CD46: variants seen among roughly 807,000 people sequenced by gnomAD.
CD46 encodes the protein membrane cofactor protein.
CD46 carries 30 observed loss-of-function variants against 53.3 expected under a neutral mutation model. The observed-to-expected ratio is 0.56, with a 90% confidence interval of 0.42 to 0.76. The LOEUF is 0.76. Ranked by LOEUF, CD46 falls within the 30% of genes least tolerant of loss-of-function variation. The pLI is 0.00. For synonymous variants in CD46, 142 were observed against 152.0 expected, an observed-to-expected ratio of 0.93 and a Z score of 0.48; for missense variants, 409 against 463.0, an observed-to-expected ratio of 0.88 and a Z score of 1.07.
intron 8 of CD46, among the ~76,000 whole-genome samples, chr1:207,774,815 A>T (rs1657915635): frequency 6.6e-6 from 1 of 151,794 alleles, no homozygotes; most frequent in Non-Finnish European, 1.5e-5. Flanking sequence ...TGCCCTTAAC[A>T]TTTTTTTCCT....
chr1:207,785,917 A>G, intron 11 of CD46: 1 of 437,986 alleles, frequency 2.3e-6, no homozygotes, highest in South Asian at 2.5e-5. Context: ...TTATGACTTT[A>G]AGAAAAATTT....
intron 5 of CD46, among the ~76,000 whole-genome samples, chr1:207,761,850 T>TA (rs1186147524): frequency 6.6e-6 from 1 of 152,066 alleles, no homozygotes; most frequent in African/African-American, 2.4e-5. Flanking sequence ...AAACTCTGGA[T>TA]AAAAAAAATT....
chr1:207,776,932 G>A (rs1169765939), intron 8 of CD46, among the ~76,000 whole-genome samples: 8 of 152,224 alleles, frequency 5.3e-5, no homozygotes. Flanking sequence ...CACCATGCCC[G>A]GCCAATTTAC....
intron 12 of CD46, among the ~76,000 whole-genome samples, chr1:207,792,495 G>A (rs183687394): frequency 6.6e-6 from 1 of 152,288 alleles, no homozygotes; most frequent in East Asian, 1.9e-4. Context: ...AATTTTTGCA[G>A]TCAGACCCTG....
At chr1:207,775,018 C>G (rs915095055) in intron 8 of CD46, among the ~76,000 whole-genome samples, 9 of 152,218 alleles carry the variant, frequency 5.9e-5, no homozygotes, top group Non-Finnish European at 1.3e-4. Context: ...CTTTCAGGTA[C>G]ACCAATCAAA....
chr1:207,778,588 A>G (rs1658371855), intron 8 of CD46, among the ~76,000 whole-genome samples: 1 of 152,102 alleles, frequency 6.6e-6, no homozygotes, highest in South Asian at 2.1e-4. Flanking sequence ...GGAAGATCAG[A>G]TGGTCATAGA....
At chr1:207,773,455 C>G (rs2102628050) in intron 8 of CD46, among the ~76,000 whole-genome samples, 1 of 152,154 alleles carries the variant, frequency 6.6e-6, no homozygotes, top group East Asian at 1.9e-4. Flanking sequence ...TTTGTTTGCT[C>G]TTGTTTCTCT....
intron 5 of CD46, 107 bp downstream of exon 5, chr1:207,761,553 T>G: frequency 1.2e-6 from 1 of 856,558 alleles, no homozygotes; most frequent in Admixed American, 2.0e-5. Flanking sequence ...TTCCTCCTCC[T>G]GTATAATTGG....
At chr1:207,760,394 C>T (rs1229866379) in intron 4 of CD46, 1 of 152,034 alleles carries the variant, frequency 6.6e-6, no homozygotes, top group Non-Finnish European at 1.5e-5. Flanking sequence ...TCACTATATT[C>T]TTATTAGGAT....
intron 1 of CD46, among the ~76,000 whole-genome samples, chr1:207,755,584 C>T (rs910750158): frequency 5.9e-5 from 9 of 152,188 alleles, no homozygotes; most frequent in African/African-American, 2.2e-4. Context: ...GGACAAAACC[C>T]GCAATCTCCT....
At chr1:207,765,662 A>T (rs1484248837) in intron 5 of CD46, among the ~76,000 whole-genome samples, 1 of 152,196 alleles carries the variant, frequency 6.6e-6, no homozygotes, top group Non-Finnish European at 1.5e-5. Context: ...CACACACCCC[A>T]AACTGACAAT....
At chr1:207,784,438 A>G (rs576414388) in intron 9 of CD46, among the ~76,000 whole-genome samples, 1 of 152,322 alleles carries the variant, frequency 6.6e-6, no homozygotes, top group Non-Finnish European at 1.5e-5. Context: ...CTTTACCGCT[A>G]AATAACCTGA....
At position 207,752,240 on chromosome 1, in the gene CD46, CCCTTT is replaced by C; in HGVS notation, c.33_37del (p.Pro12LeufsTer23). 1 of 1,614,088 alleles carries C rather than the reference CCCTTT, an allele frequency of 6.2e-7. No homozygotes were observed. The highest frequency in any genetic ancestry group is 8.5e-7 in the Non-Finnish European group (1 of 1,180,004). On this transcript the variant is annotated frameshift_variant, in exon 1 of 13. Coordinates refer to ENST00000367042, the MANE Select transcript of CD46 (RefSeq NM_172351.3). LOFTEE classifies it high-confidence loss of function. The surrounding 1 kb of genome is among the most constrained non-coding windows in gnomAD (Gnocchi z 4.1). ...GGAGCCTCCCGGCCGCCGCGAGTGT[CCCTTT>C]CCTTCCTGGCGCTTTCCTGGGTTGC...
chr1:207,772,031 A>G (rs569413193), intron 8 of CD46, among the ~76,000 whole-genome samples: 1 of 152,322 alleles, frequency 6.6e-6, no homozygotes, highest in East Asian at 1.9e-4. Context: ...ATCCATGAGC[A>G]TGGAATGTTC....
chr1:207,755,071 C>T (rs1207244266), intron 1 of CD46, among the ~76,000 whole-genome samples: 1 of 151,640 alleles, frequency 6.6e-6, no homozygotes, highest in Non-Finnish European at 1.5e-5. Context: ...GCAGTGAGCC[C>T]TGATCATACT....
intron 8 of CD46, among the ~76,000 whole-genome samples, chr1:207,772,031 A>T (rs569413193): frequency 6.6e-6 from 1 of 152,204 alleles, no homozygotes; most frequent in African/African-American, 2.4e-5. Flanking sequence ...ATCCATGAGC[A>T]TGGAATGTTC....
At chr1:207,769,833 G>A (rs11118556) in intron 7 of CD46, 10,784 of 163,062 alleles carry the variant, frequency 0.066, 643 homozygotes, top group East Asian at 0.28. Flanking sequence ...CGCGGTCTTG[G>A]CTCACTGCAA....
intron 8 of CD46, among the ~76,000 whole-genome samples, chr1:207,777,643 A>G (rs1028992904): frequency 6.6e-6 from 1 of 152,136 alleles, no homozygotes; most frequent in Non-Finnish European, 1.5e-5. Context: ...GCTACGTAGT[A>G]TTCCACGGTG....
intron 8 of CD46, among the ~76,000 whole-genome samples, chr1:207,774,260 T>C (rs1243068122): frequency 6.6e-6 from 1 of 152,188 alleles, no homozygotes; most frequent in Non-Finnish European, 1.5e-5. Flanking sequence ...TCCCTTTATT[T>C]TGAGCCTATG....
Sources: allele counts gnomAD v4.1 joint callset (sites outside exome capture counted in the v4.1 genomes callset), GRCh38; gene constraint gnomAD v4.1.1; non-coding constraint Gnocchi (gnomAD v3.1); transcripts MANE v1.5; gene names NCBI Gene and HGNC (gene_info 2026-07-23, HGNC 2026-07-21).